TAFA2: variants seen among roughly 807,000 people sequenced by gnomAD.
The protein encoded by TAFA2 is chemokine-like protein TAFA-2.
TAFA2 carries 7 observed loss-of-function variants against 18.8 expected under a neutral mutation model. The observed-to-expected ratio is 0.37, with a 90% confidence interval of 0.21 to 0.70. The LOEUF is 0.70. Among genes scored for constraint, TAFA2 ranks in the 30% least tolerant of loss-of-function variants. The pLI, the probability that TAFA2 is intolerant of heterozygous loss-of-function variation, is 0.53. For synonymous variants in TAFA2, 60 were observed against 54.2 expected, an observed-to-expected ratio of 1.11 and a Z score of -0.47; for missense variants, 122 against 158.1, an observed-to-expected ratio of 0.77 and a Z score of 1.23.
At chr12:62,167,197 T>C (rs1446151699) in intron 1 of TAFA2, among the ~76,000 whole-genome samples, 1 of 152,098 alleles carries the variant, frequency 6.6e-6, no homozygotes, top group African/African-American at 2.4e-5. Flanking sequence ...CTAAAGTTAC[T>C]TATAGAGAAA....
At chr12:61,942,455 A>C (rs1400164409) in intron 1 of TAFA2, among the ~76,000 whole-genome samples, 2 of 150,746 alleles carry the variant, frequency 1.3e-5, no homozygotes, top group East Asian at 3.9e-4. Flanking sequence ...TGGATGGAGA[A>C]TGATTTTGAC....
intron 1 of TAFA2, among the ~76,000 whole-genome samples, chr12:61,990,697 G>A (rs547011640): frequency 8.5e-5 from 13 of 152,246 alleles, no homozygotes; most frequent in Admixed American, 3.3e-4. Context: ...CAGGGTTGTC[G>A]TAAGAATTAA....
intron 2 of TAFA2, among the ~76,000 whole-genome samples, chr12:61,813,037 G>A (rs188051072): frequency 6.6e-6 from 1 of 151,420 alleles, no homozygotes; most frequent in East Asian, 1.9e-4. Context: ...TTAAAGTTGT[G>A]TAACCCACTG....
At chr12:61,947,308 G>A (rs1452393334) in intron 1 of TAFA2, among the ~76,000 whole-genome samples, 3 of 144,456 alleles carry the variant, frequency 2.1e-5, no homozygotes, top group East Asian at 2.1e-4. Context: ...GGACTGTGGT[G>A]GGGAGGTGGG....
intron 1 of TAFA2, among the ~76,000 whole-genome samples, chr12:61,990,843 G>A (rs996154333): frequency 6.6e-6 from 1 of 152,114 alleles, no homozygotes; most frequent in African/African-American, 2.4e-5. Context: ...GTATATAAAT[G>A]GAATTTGTGG....
At chr12:61,789,426 C>T (rs1411989070) in intron 2 of TAFA2, among the ~76,000 whole-genome samples, 1 of 151,916 alleles carries the variant, frequency 6.6e-6, no homozygotes, top group Middle Eastern at 3.4e-3. Flanking sequence ...TTGTTTTTGT[C>T]AAACTAACAC....
chr12:62,130,790 T>A (rs1213022777), intron 1 of TAFA2, among the ~76,000 whole-genome samples: 7 of 152,028 alleles, frequency 4.6e-5, no homozygotes, highest in Non-Finnish European at 8.8e-5. Flanking sequence ...ACAATATGTT[T>A]CTTTGAGAGG....
At chr12:61,868,675 T>C (rs745857382) in intron 1 of TAFA2, among the ~76,000 whole-genome samples, 2 of 152,166 alleles carry the variant, frequency 1.3e-5, no homozygotes, top group African/African-American at 2.4e-5. Flanking sequence ...CATTTTTTCA[T>C]GTATGACTAA....
At chr12:62,046,511 C>A (rs1401831340) in intron 1 of TAFA2, among the ~76,000 whole-genome samples, 1 of 151,982 alleles carries the variant, frequency 6.6e-6, no homozygotes, top group East Asian at 1.9e-4. Context: ...TATTATGTCA[C>A]TGATAAAAAT....
chr12:62,157,339 T>A (rs981873342), intron 1 of TAFA2, among the ~76,000 whole-genome samples: 6 of 152,176 alleles, frequency 3.9e-5, no homozygotes, highest in Admixed American at 6.6e-5. Context: ...TTTGACAATA[T>A]AATTACAGTG....
chr12:61,952,596 T>C (rs1311145114), intron 1 of TAFA2, among the ~76,000 whole-genome samples: 1 of 152,112 alleles, frequency 6.6e-6, no homozygotes, highest in East Asian at 1.9e-4. Flanking sequence ...CAGAACACAG[T>C]ACTTGCACTC....
chr12:61,721,094 T>C (rs564943304), intron 4 of TAFA2, among the ~76,000 whole-genome samples: 1 of 152,212 alleles, frequency 6.6e-6, no homozygotes, highest in East Asian at 1.9e-4. Flanking sequence ...TCTTAGAAGA[T>C]TATATAATCT....
chr12:62,054,280 G>A (rs1255163787), intron 1 of TAFA2, among the ~76,000 whole-genome samples: 4 of 152,172 alleles, frequency 2.6e-5, no homozygotes, highest in Non-Finnish European at 5.9e-5. Flanking sequence ...AAATATGGAC[G>A]TGATGCTGAA....
intron 1 of TAFA2, among the ~76,000 whole-genome samples, chr12:62,221,079 G>C (rs1296341167): frequency 6.6e-6 from 1 of 151,022 alleles, no homozygotes; most frequent in Non-Finnish European, 1.5e-5. Context: ...ACTCCAGCCT[G>C]AGCGACAGAG....
chr12:61,830,156 G>T (rs533265584), intron 2 of TAFA2, among the ~76,000 whole-genome samples: 2 of 150,974 alleles, frequency 1.3e-5, no homozygotes, highest in African/African-American at 4.8e-5. Context: ...ATGATCCAAT[G>T]GATCCAATGA....
intron 2 of TAFA2, among the ~76,000 whole-genome samples, chr12:61,793,424 T>C (rs2120933877): frequency 6.6e-6 from 1 of 151,386 alleles, no homozygotes; most frequent in East Asian, 1.9e-4. Context: ...TTAAAAGTGA[T>C]GGTACTACAG....
At chr12:61,831,707 AT>A (rs1872726897) in intron 2 of TAFA2, among the ~76,000 whole-genome samples, 1 of 151,854 alleles carries the variant, frequency 6.6e-6, no homozygotes, top group East Asian at 1.9e-4. Context: ...AATTTTTTTT[AT>A]TTTTTATTAC....
Position 62,042,443 on chromosome 12 carries a change from G to C in TAFA2, c.-2+148816C>G, listed in dbSNP as rs536823606. On this transcript the variant is annotated intron_variant, in intron 1 of 4. Coordinates refer to ENST00000416284, the MANE Select transcript of TAFA2 (RefSeq NM_178539.5). ...TGTGTGTGTGTGCGCGTGTGTGTGTGTGTGTGTGACATGCATAATGCAAGT... is the reference window on the plus strand; with the variant it reads ...TGTGTGTGTGTGCGCGTGTGTGTGTCTGTGTGTGACATGCATAATGCAAGT... Among the ~76,000 whole-genome samples the C allele has an allele frequency of 5.3e-5, 8 of 151,750 alleles. No individual in the cohort carries two copies. In the South Asian group the frequency reaches 1.5e-3, roughly 28 times the overall value.
At chr12:62,015,212 C>T (rs1880893431) in intron 1 of TAFA2, among the ~76,000 whole-genome samples, 2 of 152,092 alleles carry the variant, frequency 1.3e-5, no homozygotes, top group Admixed American at 1.3e-4. Flanking sequence ...TTTGTTTGTT[C>T]ACTTTTTATA....
Sources: allele counts gnomAD v4.1 joint callset (sites outside exome capture counted in the v4.1 genomes callset), GRCh38; gene constraint gnomAD v4.1.1; transcripts MANE v1.5; gene names NCBI Gene and HGNC (gene_info 2026-07-23, HGNC 2026-07-21).